Variants in EFCAB3 observed in about 807,000 individuals in gnomAD.
EFCAB3 encodes EF-hand calcium binding domain 3, also known as EF-hand calcium-binding domain-containing protein 3.
EFCAB3 carries 36 observed loss-of-function variants against 42.2 expected under a neutral mutation model. That is an observed-to-expected ratio of 0.85 (90% CI 0.65 to 1.13). The LOEUF is 1.13. Among genes scored for constraint, EFCAB3 ranks in the 50% most tolerant of loss-of-function variants. EFCAB3 has a pLI of 0.00. For synonymous variants in EFCAB3, 170 were observed against 172.8 expected, an observed-to-expected ratio of 0.98 and a Z score of 0.13; for missense variants, 418 against 505.1, an observed-to-expected ratio of 0.83 and a Z score of 1.65.
At chr17:62,406,399 A>G in intron 6 of EFCAB3, 81 bp from the exon 7 acceptor site, 1 of 1,163,650 alleles carries the variant, frequency 8.6e-7, no homozygotes, top group East Asian at 2.6e-5. Context: ...TCTTCAGCAT[A>G]TGTAACTAGC....
intron 2 of EFCAB3, chr17:62,373,952 T>G: frequency 1.4e-6 from 1 of 700,946 alleles, no homozygotes; most frequent in Non-Finnish European, 2.3e-6. Context: ...GTTATAAAAG[T>G]AATATATGTT....
intron 9 of EFCAB3, among the ~76,000 whole-genome samples, chr17:62,415,231 C>T (rs1236843360): frequency 6.6e-6 from 1 of 152,194 alleles, no homozygotes; most frequent in East Asian, 1.9e-4. Context: ...CCATTCTCCA[C>T]ACAGCTGCTA....
At chr17:62,381,892 C>T in intron 1 of EFCAB3, 1 of 389,826 alleles carries the variant, frequency 2.6e-6, no homozygotes, top group Non-Finnish European at 5.2e-6. Flanking sequence ...GCTGTCTCTG[C>T]TGCCCCAGGC....
chr17:62,397,733 G>T, intron 6 of EFCAB3: 2 of 476,610 alleles, frequency 4.2e-6, no homozygotes, highest in South Asian at 3.5e-5. Flanking sequence ...TGGTTAAAAA[G>T]GTCATGCTGG....
At chr17:62,392,079 A>T in intron 4 of EFCAB3, 114 bp downstream of exon 4, 4 of 807,728 alleles carry the variant, frequency 5.0e-6, no homozygotes, top group Non-Finnish European at 6.9e-6. Context: ...TGCCCCCCCA[A>T]ATATATATAT....
At chr17:62,398,714 C>T (rs1046939260) in intron 6 of EFCAB3, among the ~76,000 whole-genome samples, 2 of 151,786 alleles carry the variant, frequency 1.3e-5, no homozygotes, top group Non-Finnish European at 2.9e-5. Context: ...CACACACACA[C>T]ACACACACAT....
chr17:62,396,509 A>G (rs2070350586), intron 6 of EFCAB3, among the ~76,000 whole-genome samples: 1 of 151,760 alleles, frequency 6.6e-6, no homozygotes, highest in South Asian at 2.1e-4. Context: ...AGCCGAGATC[A>G]CTCCATTGCA....
intron 1 of EFCAB3, among the ~76,000 whole-genome samples, chr17:62,381,451 C>T (rs900412437): frequency 1.8e-4 from 27 of 152,214 alleles, no homozygotes; most frequent in African/African-American, 6.0e-4. Context: ...GCCCTACCAA[C>T]CCAGCTTCTG....
intron 3 of EFCAB3, among the ~76,000 whole-genome samples, chr17:62,388,540 C>T (rs187045580): frequency 7.2e-5 from 11 of 152,316 alleles, no homozygotes; most frequent in African/African-American, 2.6e-4. Flanking sequence ...ATGCTTTACC[C>T]CACTAAATTT....
chr17:62,390,369 A>G (rs1456321163), intron 3 of EFCAB3, among the ~76,000 whole-genome samples: 1 of 152,178 alleles, frequency 6.6e-6, no homozygotes, highest in East Asian at 1.9e-4. Flanking sequence ...GCGCAGAGAG[A>G]AAGGAAGATC....
Position 62,393,661 on chromosome 17 carries a change from T to C in EFCAB3, c.367+17T>C. 1.2e-6 allele frequency: 2 copies of C among 1,610,480 alleles called. No homozygotes were observed. Among genetic ancestry groups the C allele is most frequent in the Non-Finnish European group, 1.7e-6 (2 of 1,176,992 alleles). The stretch of plus-strand genomic sequence containing the variant: ...AGGCAGTGGGTGAGTAGAGATGTTA[T>C]GAACAGAAGGCAGTTGGGCAGCTAC... On this transcript the variant is annotated intron_variant, in intron 5 of 9. Coordinates refer to ENST00000305286, the MANE Select transcript of EFCAB3 (RefSeq NM_173503.4).
intron 9 of EFCAB3, among the ~76,000 whole-genome samples, chr17:62,415,791 A>G (rs2144122340): frequency 6.6e-6 from 1 of 152,308 alleles, no homozygotes; most frequent in Admixed American, 6.5e-5. Context: ...ATATCCTTAT[A>G]AAATTTCTTA....
intron 6 of EFCAB3, chr17:62,397,542 C>T (rs2070360783): frequency 1.7e-6 from 1 of 575,068 alleles, no homozygotes; most frequent in East Asian, 4.4e-5. Context: ...AGAGGTGCTT[C>T]TCATGCAAAA....
chr17:62,383,916 C>T (rs2070225980), intron 2 of EFCAB3, among the ~76,000 whole-genome samples: 1 of 152,160 alleles, frequency 6.6e-6, no homozygotes, highest in Non-Finnish European at 1.5e-5. Context: ...GGGAGATTTA[C>T]CTGTGACATT....
intron 6 of EFCAB3, among the ~76,000 whole-genome samples, chr17:62,400,730 T>C (rs1365356951): frequency 6.6e-6 from 1 of 152,198 alleles, no homozygotes; most frequent in Non-Finnish European, 1.5e-5. Flanking sequence ...TTATAATCAT[T>C]TGGGTATATA....
At chr17:62,414,132 A>C (rs1418890317) in intron 9 of EFCAB3, among the ~76,000 whole-genome samples, 1 of 152,232 alleles carries the variant, frequency 6.6e-6, no homozygotes, top group Non-Finnish European at 1.5e-5. Context: ...CAGAAATATC[A>C]AACTAATTAA....
chr17:62,387,481 C>T (rs201031452), intron 3 of EFCAB3, 65 bp downstream of exon 3: 2 of 1,002,708 alleles, frequency 2.0e-6, no homozygotes, highest in Non-Finnish European at 2.7e-6. Flanking sequence ...CCTTTCTTCT[C>T]TAAGAAAGAT....
exon 1 of EFCAB3, chr17:62,370,229 T>A: frequency 6.6e-7 from 1 of 1,518,570 alleles, no homozygotes; most frequent in Non-Finnish European, 8.9e-7. Flanking sequence ...GAGAGGTGAT[T>A]GATGTCCAGA....
chr17:62,415,377 C>T (rs2070537747), intron 9 of EFCAB3, among the ~76,000 whole-genome samples: 1 of 152,206 alleles, frequency 6.6e-6, no homozygotes, highest in Admixed American at 6.5e-5. Context: ...TGGGTCACTA[C>T]AGCATGATTT....
Sources: gnomAD v4.1 joint callset for allele counts (sites outside exome capture counted in the v4.1 genomes callset) on GRCh38, gnomAD v4.1.1 for gene constraint, MANE v1.5 for transcripts, NCBI Gene and HGNC (gene_info 2026-07-23, HGNC 2026-07-21) for gene names.